GTF3C1: variants seen among roughly 807,000 people sequenced by gnomAD.
GTF3C1 encodes the protein general transcription factor 3C polypeptide 1.
GTF3C1 carries 57 observed loss-of-function variants against 226.7 expected under a neutral mutation model. The observed-to-expected ratio is 0.25, with a 90% CI of 0.20 to 0.31. GTF3C1 has a LOEUF of 0.31. GTF3C1 is among the 10% of genes least tolerant of loss of function. The pLI, the probability that GTF3C1 is intolerant of heterozygous loss-of-function variation, is 1.00. For synonymous variants in GTF3C1, 1,090 were observed against 1,084.8 expected (o/e 1.00, Z -0.09); for missense variants, 2,217 against 2,776.1 (o/e 0.80, Z 4.53).
intron 26 of GTF3C1, among the ~76,000 whole-genome samples, chr16:27,481,767 G>A (rs1047524605): frequency 6.6e-6 from 1 of 152,182 alleles, no homozygotes; most frequent in Non-Finnish European, 1.5e-5. Flanking sequence ...AGCCCCTGCT[G>A]CATCTGGCTG....
chr16:27,478,674 C>T (rs1477815654), intron 27 of GTF3C1, 143 bp from the exon 28 acceptor site: 2 of 705,050 alleles, frequency 2.8e-6, no homozygotes, highest in Non-Finnish European at 2.6e-6. Context: ...GAGTGCTGTG[C>T]ATGTAAATTA....
Position 27,495,275 on chromosome 16 carries a change from G to A in GTF3C1, c.2568C>T (p.Ala856=). 6.2e-7 allele frequency: 1 copy of A among 1,613,304 alleles called. No individual in the cohort carries two copies. The highest frequency in any genetic ancestry group is 1.1e-5 in the South Asian group (1 of 91,072). Residue 856 remains alanine, a synonymous_variant, in exon 15 of 37, where the codon GCC becomes GCT. Transcript: ENST00000356183. ...CACCATCTTGGCTGCCTTTAGATGG[G>A]GCTTCAGAGCAGGCCTCCCAGGCAC... The part of the protein sequence containing the change: ...SGSAWEACSE[A]PSKGSQDGVT...
Position 27,471,946 on chromosome 16 carries a change from G to T in GTF3C1, c.4354-26C>A. The T allele has an allele frequency of 1.2e-6, 2 of 1,610,138 alleles. No homozygotes were observed. The highest frequency in any genetic ancestry group is 2.2e-5 in the South Asian group (2 of 90,992). The stretch of plus-strand genomic sequence containing the variant: ...CTGCAACACAGGGCGGCGAGGGTGA[G>T]TAGGGTTCTCCAGCCGGCCACGGAG... On this transcript the variant is annotated intron_variant, in intron 29 of 36. Coordinates refer to ENST00000356183, the MANE Select transcript of GTF3C1 (RefSeq NM_001520.4). This position sits in a 1 kb window ranked among gnomAD's most constrained non-coding sequence, Gnocchi z 5.0.
chr16:27,523,802 G>A (rs1052872081), intron 6 of GTF3C1, among the ~76,000 whole-genome samples: 3 of 152,154 alleles, frequency 2.0e-5, no homozygotes, highest in African/African-American at 7.2e-5. Flanking sequence ...GACTCACCAT[G>A]AGCCCAGGTT....
At chr16:27,521,719 CTT>C (rs2141427629) in intron 6 of GTF3C1, among the ~76,000 whole-genome samples, 1 of 152,326 alleles carries the variant, frequency 6.6e-6, no homozygotes, top group South Asian at 2.1e-4. Context: ...TTTTATTTCT[CTT>C]ATTCATTTTT....
chr16:27,498,082 C>A (rs2088347321), intron 13 of GTF3C1, among the ~76,000 whole-genome samples: 1 of 152,178 alleles, frequency 6.6e-6, no homozygotes, highest in African/African-American at 2.4e-5. Context: ...CGTGCTAGAT[C>A]TTCAGACATG....
intron 6 of GTF3C1, 105 bp from the exon 7 acceptor site, chr16:27,512,006 T>A: frequency 1.5e-6 from 2 of 1,298,776 alleles, no homozygotes; most frequent in Non-Finnish European, 2.2e-6. Flanking sequence ...GAGACAGAGA[T>A]CCCCACAAAG....
intron 20 of GTF3C1, 142 bp from the exon 21 acceptor site, chr16:27,489,320 T>G: frequency 1.1e-6 from 1 of 886,414 alleles, no homozygotes; most frequent in Non-Finnish European, 1.7e-6. Flanking sequence ...AATGAAGAAC[T>G]TGGGGGCCCT....
intron 6 of GTF3C1, among the ~76,000 whole-genome samples, chr16:27,525,581 A>G (rs141602489): frequency 1.3e-5 from 2 of 152,334 alleles, no homozygotes; most frequent in Non-Finnish European, 2.9e-5. Flanking sequence ...TCCATTAACT[A>G]AGCTAGGAAA....
Position 27,508,607 on chromosome 16 carries a change from G to C in GTF3C1, c.1175C>G (p.Ala392Gly). The change falls in exon 8 of 37, where the codon GCT (alanine) becomes GGT (glycine). Residue 392 changes from alanine to glycine, a missense_variant. By Grantham distance (60) the Ala-to-Gly change is moderately conservative. Around this residue, in one of 12 missense-constraint regions of GTF3C1, gnomAD observed 163 missense variants for 234.3 expected, o/e 0.70. Transcript: ENST00000356183. ...TGCTTCTAGTTTTCCCACATTCATA[G>C]CCACTCGGATTTCAGCTTGGGAAAT... is the stretch of plus-strand genomic sequence containing the variant. The part of the protein sequence containing the change: ...KGISQAEIRV[A>G]MNVGKLEARM... 1 of 1,614,180 alleles carries C rather than the reference G, an allele frequency of 6.2e-7. No individual in the cohort carries two copies. The highest frequency in any genetic ancestry group is 1.7e-5 in the Admixed American group (1 of 60,024).
At chr16:27,478,166 A>G (rs563369053) in intron 28 of GTF3C1, among the ~76,000 whole-genome samples, 1 of 152,024 alleles carries the variant, frequency 6.6e-6, no homozygotes, top group East Asian at 1.9e-4. Flanking sequence ...GCAAGACTCC[A>G]TCTCAAAAGA....
At chr16:27,528,466 G>T in intron 6 of GTF3C1, 132 bp downstream of exon 6, 2 of 730,524 alleles carry the variant, frequency 2.7e-6, no homozygotes, top group South Asian at 1.8e-5. Flanking sequence ...GCACTGAGGC[G>T]CAGAGTTAAA....
intron 32 of GTF3C1, among the ~76,000 whole-genome samples, chr16:27,467,612 G>A (rs539831157): frequency 2.0e-5 from 3 of 152,330 alleles, no homozygotes; most frequent in East Asian, 3.9e-4. Context: ...GCTCACGCCT[G>A]TAATCCCAGC....
At position 27,507,194 on chromosome 16, in the gene GTF3C1, G is replaced by A. The variant is rs1035069307; in HGVS notation, c.1243-38C>T. The stretch of plus-strand genomic sequence containing the variant: ...AGATGTGTTTATCCCACTGCAAAGA[G>A]GGCGTCATACCCACAGGGGTTCAGG... On this transcript the variant is annotated intron_variant, in intron 8 of 36. Coordinates refer to ENST00000356183, the MANE Select transcript of GTF3C1 (RefSeq NM_001520.4). The surrounding 1 kb of genome is among the most constrained non-coding windows in gnomAD (Gnocchi z 4.9). The A allele has an allele frequency of 3.4e-6, 5 of 1,475,074 alleles. No individual in the cohort carries two copies. In the South Asian group the frequency reaches 3.6e-5, roughly 11 times the overall value. 91.4% of individuals were successfully genotyped at this position (1,475,074 alleles called of 1,614,324 possible).
At chr16:27,472,054 ATG>A (rs1284234326) in intron 29 of GTF3C1, 134 bp from the exon 30 acceptor site, 2 of 705,842 alleles carry the variant, frequency 2.8e-6, no homozygotes, top group South Asian at 1.7e-5. Context: ...AGGCTGGCGT[ATG>A]TGTGTGTCAG....
At chr16:27,475,762 G>C (rs2087942443) in intron 29 of GTF3C1, among the ~76,000 whole-genome samples, 2 of 152,198 alleles carry the variant, frequency 1.3e-5, no homozygotes. Flanking sequence ...ATGACTCACT[G>C]CCCACGGAAA....
intron 4 of GTF3C1, among the ~76,000 whole-genome samples, chr16:27,537,267 T>C (rs1038093145): frequency 5.3e-5 from 8 of 152,224 alleles, no homozygotes; most frequent in Admixed American, 1.3e-4. Flanking sequence ...GTTCCTATTG[T>C]TAGCTGTGAA....
At chr16:27,475,330 T>C (rs999975363) in intron 29 of GTF3C1, among the ~76,000 whole-genome samples, 3 of 152,244 alleles carry the variant, frequency 2.0e-5, no homozygotes, top group Admixed American at 2.0e-4. Flanking sequence ...CCCATCTGAA[T>C]TCATCGGCGG....
intron 4 of GTF3C1, among the ~76,000 whole-genome samples, chr16:27,537,214 T>C (rs1252027029): frequency 6.6e-6 from 1 of 152,238 alleles, no homozygotes; most frequent in Non-Finnish European, 1.5e-5. Context: ...TCTGACTTAC[T>C]TGTATTTTTA....
Sources: gnomAD v4.1 joint callset for allele counts (sites outside exome capture counted in the v4.1 genomes callset) on GRCh38, gnomAD v4.1.1 for gene constraint, gnomAD v4.1.1 regional missense constraint, Gnocchi (gnomAD v3.1) non-coding constraint, MANE v1.5 for transcripts, NCBI Gene and HGNC (gene_info 2026-07-23, HGNC 2026-07-21) for gene names.